The following ATP7B variants were observed in gnomAD, a reference collection of about 807,000 sequenced individuals.
The protein encoded by ATP7B is copper-transporting ATPase 2.
ATP7B carries 113 observed loss-of-function variants against 118.9 expected under a neutral mutation model. The ratio of observed to expected loss-of-function variants is 0.95; its 90% confidence interval spans 0.82 to 1.11. The LOEUF (loss-of-function observed/expected upper bound fraction) is 1.11, where lower values mean the gene tolerates loss of function less well. Among genes scored for constraint, ATP7B ranks in the 50% most tolerant of loss-of-function variants. ATP7B has a pLI of 0.00. For missense variants in ATP7B, 1,867 were observed against 1,871.4 expected, an observed-to-expected ratio of 1.00 and a Z score of 0.04; for synonymous variants, 777 against 727.4, an observed-to-expected ratio of 1.07 and a Z score of -1.10.
chr13:51,935,767 G>C, intron 19 of ATP7B, 72 bp from the exon 20 acceptor site: 1 of 1,404,052 alleles, frequency 7.1e-7, no homozygotes, highest in East Asian at 2.4e-5. Context: ...CAGGCACCGG[G>C]CTGCCCCACC....
At chr13:51,949,556 T>C in intron 12 of ATP7B, 106 bp downstream of exon 12, 5 of 1,503,152 alleles carry the variant, frequency 3.3e-6, no homozygotes, top group South Asian at 2.3e-5. Flanking sequence ...AAATAAAATG[T>C]AATGAATAAT....
intron 19 of ATP7B, 152 bp from the exon 20 acceptor site, chr13:51,935,847 G>C: frequency 4.5e-6 from 3 of 665,230 alleles, no homozygotes; most frequent in Non-Finnish European, 7.7e-6. Flanking sequence ...TTGCCCACAG[G>C]CCCCCCCCAA....
chr13:51,944,377 C>T, intron 13 of ATP7B, 86 bp from the exon 14 acceptor site: 1 of 1,536,052 alleles, frequency 6.5e-7, no homozygotes, highest in Non-Finnish European at 8.9e-7. Context: ...CTTCACCCAA[C>T]CTGCCTCAGA....
chr13:52,006,577 G>A (rs922447492), intron 1 of ATP7B, among the ~76,000 whole-genome samples: 9 of 152,176 alleles, frequency 5.9e-5, no homozygotes, highest in African/African-American at 9.7e-5. Flanking sequence ...GTCTCTAGCT[G>A]GTCTCCCGCA....
At position 51,957,711 on chromosome 13, in the gene ATP7B, A is replaced by G. The variant is rs1958446948; in HGVS notation, c.2356-104T>C. 5 of 1,097,438 alleles carry G rather than the reference A, an allele frequency of 4.6e-6. No homozygotes were observed. The South Asian group carries it at 6.3e-5, about 14-fold the overall frequency. The allele number at this position is 1,097,438 out of a possible 1,614,324, so 68.0% of individuals were successfully genotyped here. A position where few individuals can be genotyped will look rare whatever the true frequency, so the allele number is the denominator to read the frequency against. On this transcript the variant is annotated intron_variant, in intron 8 of 20. Transcript: ENST00000242839. ...GTGTTAGAGACAGCTGGTGCGAGAG[A>G]AACAGCCGCACGGCACGATAAAAGG...
At chr13:52,010,365 T>A (rs1379240353) in intron 1 of ATP7B, among the ~76,000 whole-genome samples, 2 of 152,162 alleles carry the variant, frequency 1.3e-5, no homozygotes, top group African/African-American at 4.8e-5. Context: ...TGTCCAGCAA[T>A]CCAGGCCTAA....
intron 1 of ATP7B, among the ~76,000 whole-genome samples, chr13:52,002,755 T>C (rs1246009900): frequency 1.3e-5 from 2 of 152,122 alleles, no homozygotes; most frequent in Non-Finnish European, 2.9e-5. Flanking sequence ...GCAAATATCC[T>C]AATAACGTGA....
chr13:52,000,686 C>T (rs1261069721), intron 1 of ATP7B, among the ~76,000 whole-genome samples: 1 of 152,188 alleles, frequency 6.6e-6, no homozygotes, highest in African/African-American at 2.4e-5. Context: ...CAACTCCTTC[C>T]CTCCACTTGC....
In ATP7B at chr13:51,943,997, G is replaced by T. The variant is rs1344211805; in HGVS notation, c.3243+112C>A. 3 of 1,421,278 alleles carry T rather than the reference G, an allele frequency of 2.1e-6. No homozygotes were observed. In the South Asian group the frequency reaches 3.9e-5, roughly 18 times the overall value. 88.0% of individuals were successfully genotyped at this position (1,421,278 alleles called of 1,614,324 possible). ...CTGCTGCAGAAGGGCCCTCTAAGTG[G>T]TTTTCCAGACCACACAGAGAAGGCT... On this transcript the variant is annotated intron_variant, in intron 14 of 20. Coordinates refer to ENST00000242839, the MANE Select transcript of ATP7B (RefSeq NM_000053.4).
chr13:51,951,187 A>C (rs140162013), intron 9 of ATP7B, among the ~76,000 whole-genome samples: 1 of 152,162 alleles, frequency 6.6e-6, no homozygotes, highest in Non-Finnish European at 1.5e-5. Context: ...AGAGAGAGGG[A>C]GAAGAAATAC....
intron 2 of ATP7B, among the ~76,000 whole-genome samples, chr13:51,973,036 A>T (rs1951916975): frequency 6.6e-6 from 1 of 152,136 alleles, no homozygotes; most frequent in East Asian, 1.9e-4. Context: ...TTAATTAAAA[A>T]ATATAAAAGC....
At chr13:51,959,991 G>A (rs1455511375) in intron 7 of ATP7B, 157 bp downstream of exon 7, 37 of 1,054,878 alleles carry the variant, frequency 3.5e-5, no homozygotes, top group Admixed American at 6.3e-5. Flanking sequence ...GTCATTAAGA[G>A]AGAAAAAAAG....
At chr13:52,006,701 T>C (rs1440531194) in intron 1 of ATP7B, among the ~76,000 whole-genome samples, 1 of 152,202 alleles carries the variant, frequency 6.6e-6, no homozygotes, top group Non-Finnish European at 1.5e-5. Flanking sequence ...CCTTCCAGCC[T>C]TCCACTCTTC....
At chr13:51,970,813 AGGTTTCAGGGCTCTTGGT>A (rs1951803402) in intron 2 of ATP7B, 64 bp from the exon 3 acceptor site, 1 of 1,565,800 alleles carries the variant, frequency 6.4e-7, no homozygotes. Flanking sequence ...TCAGAACAAG[AGGTTTCAGGGCTCTTGGT>A]GAGGGTTCAT....
chr13:51,999,673 C>T (rs1298911385), intron 1 of ATP7B, among the ~76,000 whole-genome samples: 2 of 152,200 alleles, frequency 1.3e-5, no homozygotes, highest in African/African-American at 2.4e-5. Context: ...CGGCTTTACT[C>T]TCAGTTCCAC....
chr13:51,985,098 C>T (rs978263571), intron 1 of ATP7B, among the ~76,000 whole-genome samples: 3 of 152,174 alleles, frequency 2.0e-5, no homozygotes, highest in African/African-American at 4.8e-5. Flanking sequence ...AGGCTAAATG[C>T]CCCAATTAAA....
At position 51,961,871 on chromosome 13, in the gene ATP7B, C is replaced by T. The variant is rs886038218; in HGVS notation, c.1912G>A (p.Ala638Thr). 4 of 1,613,854 alleles carry T rather than the reference C, an allele frequency of 2.5e-6. No homozygotes were observed. Among genetic ancestry groups the T allele is most frequent in the East Asian group, 2.2e-5 (1 of 44,874 alleles). ...HASLAQRNPNAHHLDHKMEIK... is the reference protein window; with the variant it reads ...HASLAQRNPNTHHLDHKMEIK... ...TCCATCTTGTGGTCCAAGTGATGAG[C>T]GTTGGGGTTTCTCTGGGCCAGGGAA... The change falls in exon 6 of 21, where the codon GCT (alanine) becomes ACT (threonine). Residue 638 changes from alanine (A) to threonine (T), a missense_variant. Transcript: ENST00000242839.
intron 1 of ATP7B, 104 bp from the exon 2 acceptor site, chr13:51,975,272 T>A: frequency 7.0e-7 from 1 of 1,426,902 alleles, no homozygotes; most frequent in East Asian, 2.3e-5. Context: ...GCCACTGGTG[T>A]CAAAATATCC....
chr13:51,999,684 T>C (rs1229941892), intron 1 of ATP7B, among the ~76,000 whole-genome samples: 2 of 152,180 alleles, frequency 1.3e-5, no homozygotes, highest in Admixed American at 6.5e-5. Context: ...TCAGTTCCAC[T>C]TGGCTTCACG....
Sources: gnomAD v4.1 joint callset for allele counts (sites outside exome capture counted in the v4.1 genomes callset) on GRCh38, gnomAD v4.1.1 for gene constraint, MANE v1.5 for transcripts, NCBI Gene and HGNC (gene_info 2026-07-23, HGNC 2026-07-21) for gene names.